The following NUBP1 variants were observed in gnomAD, a reference collection of about 807,000 sequenced individuals.
The protein encoded by NUBP1 is NUBP iron-sulfur cluster assembly factor 1, cytosolic, also known as cytosolic Fe-S cluster assembly factor NUBP1.
In NUBP1, 46 loss-of-function variants were observed where a neutral mutation model predicts 41.8. That is an observed-to-expected ratio of 1.10 (90% CI 0.87 to 1.41). The LOEUF is 1.41. NUBP1 is among the 40% of genes most tolerant of loss of function. The probability of loss-of-function intolerance (pLI) is 0.00; values close to 1 mark genes in which losing one functional copy is unlikely to be tolerated. For missense variants in NUBP1, 494 were observed against 414.0 expected (o/e 1.19, Z -1.68); for synonymous variants, 189 against 154.6 (o/e 1.22, Z -1.65).
At chr16:10,763,716 C>G (rs2030374613) in intron 9 of NUBP1, 1 of 154,644 alleles carries the variant, frequency 6.5e-6, no homozygotes, top group African/African-American at 2.4e-5. Flanking sequence ...CACAGTTCAG[C>G]TCTGCCGAGA....
rs2031298038 is a variant in NUBP1 at position 10,768,957 on chromosome 16, T to A, written c.905-90T>A. The A allele has an allele frequency of 1.0e-5, 12 of 1,157,640 alleles. No individual in the cohort carries two copies. Among genetic ancestry groups the A allele is most frequent in the South Asian group, 8.9e-5 (7 of 78,244 alleles). The allele number at this position is 1,157,640 out of a possible 1,614,324, so 71.7% of individuals were successfully genotyped here. On this transcript the variant is annotated intron_variant, in intron 10 of 10. Transcript: ENST00000283027. The surrounding 1 kb of genome is among the most constrained non-coding windows in gnomAD (Gnocchi z 4.3). The stretch of plus-strand genomic sequence containing the variant: ...GGAACTAGCCAGAGGATTCCACCCC[T>A]GTCAAAACACAGCCCTCCCCAGCAC...
chr16:10,758,368 G>A (rs1304518950), intron 7 of NUBP1, among the ~76,000 whole-genome samples: 1 of 152,224 alleles, frequency 6.6e-6, no homozygotes, highest in Non-Finnish European at 1.5e-5. Flanking sequence ...AGCTACTTGG[G>A]AGGCTGAGGT....
intron 9 of NUBP1, chr16:10,762,152 G>A (rs1019761264): frequency 4.1e-5 from 11 of 271,264 alleles, no homozygotes; most frequent in Non-Finnish European, 4.9e-5. Context: ...GAGGGCACCC[G>A]ATAGAGGGGC....
chr16:10,744,127 TGGGA>T, intron 2 of NUBP1, 62 bp downstream of exon 2: 1 of 841,496 alleles, frequency 1.2e-6, no homozygotes, highest in East Asian at 6.2e-5. Context: ...AGGCGGGGCG[TGGGA>T]GGGAGGGGGC....
rs879057877 is a variant in NUBP1 at position 10,769,155 on chromosome 16, G to A, written c.*50G>A. ...CAGTTACCGAGCGAGGCACTCACTG[G>A]GCAGCACATCCAGCCAGACCCGACC... On this transcript the variant is annotated 3_prime_UTR_variant, in exon 11 of 11. Coordinates refer to ENST00000283027, the MANE Select transcript of NUBP1 (RefSeq NM_002484.4). The A allele has an allele frequency of 3.8e-6, 6 of 1,572,990 alleles. No homozygotes were observed. In the South Asian group the frequency reaches 5.6e-5, roughly 15 times the overall value.
At chr16:10,756,604 A>C (rs1900573594) in intron 5 of NUBP1, 86 bp from the exon 6 acceptor site, 1 of 952,184 alleles carries the variant, frequency 1.1e-6, no homozygotes, top group Non-Finnish European at 1.5e-6. Context: ...TTTTTCAGTC[A>C]GAGCTCAAAC....
intron 4 of NUBP1, among the ~76,000 whole-genome samples, chr16:10,755,404 C>T (rs1429143186): frequency 6.6e-6 from 1 of 152,140 alleles, no homozygotes; most frequent in African/African-American, 2.4e-5. Flanking sequence ...TCATCAGTCC[C>T]CAGCCGATTT....
Position 10,756,751 on chromosome 16 carries a change from C to G in NUBP1, c.422C>G (p.Ala141Gly), listed in dbSNP as rs373685116. ...VGFLLSSPDD[A>G]VIWRGPKKNG... ...TTCCTGCTCAGCAGTCCTGATGATG[C>G]TGTTATCTGGAGGGGACCCAAGAAA... The change falls in exon 6 of 11, where the codon GCT (alanine) becomes GGT (glycine). Residue 141 changes from alanine to glycine, a missense_variant. By Grantham distance (60) the Ala-to-Gly change is moderately conservative (BLOSUM62 0). Coordinates refer to ENST00000283027, the MANE Select transcript of NUBP1 (RefSeq NM_002484.4). 1.1e-5 allele frequency: 18 copies of G among 1,590,624 alleles called. 1 individual carries two copies. In the African/African-American group the frequency reaches 1.4e-4, roughly 12 times the overall value.
chr16:10,752,086 A>C (rs575961487), intron 3 of NUBP1, among the ~76,000 whole-genome samples: 1 of 152,314 alleles, frequency 6.6e-6, no homozygotes, highest in Non-Finnish European at 1.5e-5. Context: ...TTTTTAATAC[A>C]TTCATATTCT....
At chr16:10,761,605 C>T in intron 8 of NUBP1, 131 bp downstream of exon 8, 1 of 993,914 alleles carries the variant, frequency 1.0e-6, no homozygotes, top group Non-Finnish European at 1.5e-6. Context: ...ATTAAAATCC[C>T]TTTCTGCTGA....
At chr16:10,758,638 T>C (rs953961288) in intron 7 of NUBP1, among the ~76,000 whole-genome samples, 1 of 152,170 alleles carries the variant, frequency 6.6e-6, no homozygotes, top group African/African-American at 2.4e-5. Flanking sequence ...GCAGTTATAA[T>C]TCATACTGTG....
chr16:10,768,987 C>A lies in NUBP1; in HGVS notation c.905-60C>A. 6.8e-7 allele frequency: 1 copy of A among 1,462,456 alleles called. No individual in the cohort carries two copies. The highest frequency in any genetic ancestry group is 9.6e-7 in the Non-Finnish European group (1 of 1,042,326). 90.6% of individuals were successfully genotyped at this position (1,462,456 alleles called of 1,614,324 possible). A position where few individuals can be genotyped will look rare whatever the true frequency, so the allele number is the denominator to read the frequency against. On this transcript the variant is annotated intron_variant, in intron 10 of 10. Coordinates refer to ENST00000283027, the MANE Select transcript of NUBP1 (RefSeq NM_002484.4). This position sits in a 1 kb window ranked among gnomAD's most constrained non-coding sequence, Gnocchi z 4.3. ...AAACACAGCCCTCCCCAGCACAGGACAGGGCTGTCAAGGGGTAGACAAGCC... is the reference window on the plus strand; with the variant it reads ...AAACACAGCCCTCCCCAGCACAGGAAAGGGCTGTCAAGGGGTAGACAAGCC...
chr16:10,761,836 G>A lies in NUBP1; in HGVS notation c.797G>A (p.Arg266Lys). The part of the protein sequence containing the change: ...CQDLEVPLLG[R>K]VPLDPLIGKN... ...GACTTGGAGGTCCCTCTCCTCGGCAGAGTGCCCCTGGATCCGCTCATAGGT... is the reference window on the plus strand; with the variant it reads ...GACTTGGAGGTCCCTCTCCTCGGCAAAGTGCCCCTGGATCCGCTCATAGGT... The change falls in exon 9 of 11, where the codon AGA (arginine) becomes AAA (lysine). Residue 266 changes from arginine to lysine, a missense_variant. Coordinates refer to ENST00000283027, the MANE Select transcript of NUBP1 (RefSeq NM_002484.4). The A allele has an allele frequency of 6.2e-7, 1 of 1,614,078 alleles. No homozygotes were observed. Among genetic ancestry groups the A allele is most frequent in the African/African-American group, 1.3e-5 (1 of 75,050 alleles).
At chr16:10,750,761 AAGTT>A (rs1900282253) in intron 3 of NUBP1, among the ~76,000 whole-genome samples, 1 of 152,050 alleles carries the variant, frequency 6.6e-6, no homozygotes, top group Admixed American at 6.5e-5. Flanking sequence ...CAAGGACTAA[AAGTT>A]AGGACTAAAT....
intron 2 of NUBP1, among the ~76,000 whole-genome samples, chr16:10,745,093 T>A (rs1028245854): frequency 6.6e-6 from 1 of 151,376 alleles, no homozygotes; most frequent in Non-Finnish European, 1.5e-5. Flanking sequence ...AGAGAGAGAC[T>A]TGGATTTGAT....
chr16:10,767,142 C>A lies in NUBP1; in HGVS notation c.821-807C>A. The A allele has an allele frequency of 2.5e-6, 1 of 398,876 alleles. No individual in the cohort carries two copies. The highest frequency in any genetic ancestry group is 4.4e-6 in the Non-Finnish European group (1 of 226,274). The allele number at this position is 398,876 out of a possible 1,614,324, so 24.7% of individuals were successfully genotyped here. The stretch of plus-strand genomic sequence containing the variant: ...CAGTGCAGTCACTTGCCTGTTTCGC[C>A]AGCAGCTCAGGCCTGGGGAGTGGGC... On this transcript the variant is annotated intron_variant, in intron 9 of 10. Transcript: ENST00000283027. The surrounding 1 kb of genome is among the most constrained non-coding windows in gnomAD (Gnocchi z 4.6).
At chr16:10,762,054 A>C in intron 9 of NUBP1, 195 bp downstream of exon 9, 1 of 527,766 alleles carries the variant, frequency 1.9e-6, no homozygotes, top group Non-Finnish European at 3.4e-6. Flanking sequence ...GCGGGCAGGT[A>C]GCGGGAGCAA....
At chr16:10,755,307 G>C (rs1900500310) in intron 4 of NUBP1, among the ~76,000 whole-genome samples, 1 of 152,208 alleles carries the variant, frequency 6.6e-6, no homozygotes, top group African/African-American at 2.4e-5. Context: ...GACAGGTTCT[G>C]AATCAGCTGT....
At chr16:10,755,805 A>G (rs2142712715) in intron 5 of NUBP1, 52 bp downstream of exon 5, 1 of 1,563,280 alleles carries the variant, frequency 6.4e-7, no homozygotes, top group East Asian at 2.2e-5. Context: ...GGTTGTGTGT[A>G]CATAATGGGT....
Sources: allele counts gnomAD v4.1 joint callset (sites outside exome capture counted in the v4.1 genomes callset), GRCh38; gene constraint gnomAD v4.1.1; non-coding constraint Gnocchi (gnomAD v3.1); transcripts MANE v1.5; gene names NCBI Gene and HGNC (gene_info 2026-07-23, HGNC 2026-07-21).